The following USP39 variants were observed in gnomAD, a reference collection of about 807,000 sequenced individuals.
USP39 encodes the protein ubiquitin carboxyl-terminal hydrolase 39.
A neutral mutation model predicts 66.4 loss-of-function variants in USP39; 38 were observed. The observed-to-expected ratio is 0.57, with a 90% CI of 0.44 to 0.75. The LOEUF (loss-of-function observed/expected upper bound fraction) is 0.75. Among genes scored for constraint, USP39 ranks in the 30% least tolerant of loss-of-function variants. USP39 has a pLI of 0.00. For synonymous variants in USP39, 303 were observed against 274.6 expected, an observed-to-expected ratio of 1.10 and a Z score of -1.02; for missense variants, 608 against 714.4, an observed-to-expected ratio of 0.85 and a Z score of 1.70.
intron 10 of USP39, 69 bp downstream of exon 10, chr2:85,641,187 A>G: frequency 6.3e-7 from 1 of 1,591,746 alleles, no homozygotes; most frequent in South Asian, 1.1e-5. Context: ...TATTTTTACC[A>G]GTATTAATTT....
Position 85,648,814 on chromosome 2 carries a change from G to GCTAGA in USP39, c.*7_*8insTAGAC. On this transcript the variant is annotated 3_prime_UTR_variant, in exon 13 of 13. Coordinates refer to ENST00000323701, the MANE Select transcript of USP39 (RefSeq NM_006590.4). Reference sequence around the variant, plus strand: ...CCAACCAGCAGGGGGCTTGAAGGAGGCGTCTAGGGCTTTGCTCCCAAGGGC... The same window carrying GCTAGA: ...CCAACCAGCAGGGGGCTTGAAGGAGGCTAGACGTCTAGGGCTTTGCTCCCAAGGGC... The GCTAGA allele has an allele frequency of 6.2e-7, 1 of 1,614,110 alleles. No individual in the cohort carries two copies.
At chr2:85,626,742 G>A (rs1674894563) in intron 5 of USP39, among the ~76,000 whole-genome samples, 1 of 150,952 alleles carries the variant, frequency 6.6e-6, no homozygotes, top group South Asian at 2.1e-4. Context: ...TTTTGAGACG[G>A]AGTCTCAGTC....
At chr2:85,604,252 C>T (rs1296279895) in intron 1 of USP39, among the ~76,000 whole-genome samples, 1 of 152,212 alleles carries the variant, frequency 6.6e-6, no homozygotes, top group Non-Finnish European at 1.5e-5. Context: ...ACTTGTTGCC[C>T]AGGCTGGAAT....
intron 4 of USP39, among the ~76,000 whole-genome samples, chr2:85,624,195 T>C (rs558957208): frequency 3.3e-4 from 50 of 152,264 alleles, no homozygotes; most frequent in Middle Eastern, 3.4e-3. Context: ...AGATATCTTA[T>C]CTGTGGGCTC....
At chr2:85,617,429 C>T (rs1245999208) in intron 1 of USP39, among the ~76,000 whole-genome samples, 2 of 152,162 alleles carry the variant, frequency 1.3e-5, no homozygotes, top group African/African-American at 4.8e-5. Flanking sequence ...GCGACCATTG[C>T]CTGACTGCCT....
At chr2:85,644,907 C>T in intron 10 of USP39, 41 bp from the exon 11 acceptor site, 2 of 1,611,904 alleles carry the variant, frequency 1.2e-6, no homozygotes, top group Non-Finnish European at 8.5e-7. Context: ...AACCTCACAG[C>T]CTTTGTCTGA....
At chr2:85,622,094 A>G (rs921112481) in intron 3 of USP39, among the ~76,000 whole-genome samples, 7 of 151,564 alleles carry the variant, frequency 4.6e-5, no homozygotes, top group Non-Finnish European at 8.8e-5. Flanking sequence ...TGCTGGGATT[A>G]CAGGCGTGAG....
chr2:85,609,430 C>A (rs372399329), upstream of USP39: 3 of 1,613,656 alleles, frequency 1.9e-6, no homozygotes, highest in Admixed American at 1.7e-5. Flanking sequence ...TTCCACCAGG[C>A]GTACCTGATA....
At chr2:85,619,149 T>G in intron 1 of USP39, 71 bp from the exon 2 acceptor site, 1 of 1,533,232 alleles carries the variant, frequency 6.5e-7, no homozygotes, top group Non-Finnish European at 9.0e-7. Context: ...TTCTGTTTCT[T>G]TTTTTGTTCT....
intron 12 of USP39, among the ~76,000 whole-genome samples, 156 bp downstream of exon 12, chr2:85,648,172 T>C (rs1676791713): frequency 6.6e-6 from 1 of 152,172 alleles, no homozygotes; most frequent in South Asian, 2.1e-4. Flanking sequence ...GGGCAGAATG[T>C]ATGGCCCTGA....
At chr2:85,640,701 G>A (rs1273053445) in intron 9 of USP39, among the ~76,000 whole-genome samples, 1 of 147,454 alleles carries the variant, frequency 6.8e-6, no homozygotes, top group African/African-American at 2.5e-5. Flanking sequence ...TCGAACTCCT[G>A]TGCTGAAATG....
At chr2:85,641,925 AAAAAG>A (rs1400730736) in intron 10 of USP39, among the ~76,000 whole-genome samples, 13,018 of 134,742 alleles carry the variant, frequency 0.097, 659 homozygotes, top group Middle Eastern at 0.15. Flanking sequence ...AAAAAAAAAA[AAAAAG>A]AAAGAAAGAA....
At chr2:85,635,341 C>T (rs1172063278) in intron 6 of USP39, among the ~76,000 whole-genome samples, 2 of 152,176 alleles carry the variant, frequency 1.3e-5, no homozygotes, top group African/African-American at 4.8e-5. Flanking sequence ...GGGAGGATCA[C>T]TTGAGGTCAA....
chr2:85,611,638 G>A (rs1175781470), upstream of USP39: 2 of 1,565,770 alleles, frequency 1.3e-6, no homozygotes, highest in Non-Finnish European at 1.7e-6. Context: ...GAGCGCGCGG[G>A]CTGGAGGCAG....
chr2:85,618,139 A>T (rs1246363390), intron 1 of USP39, among the ~76,000 whole-genome samples: 1 of 152,008 alleles, frequency 6.6e-6, no homozygotes, highest in African/African-American at 2.4e-5. Context: ...ATTTTTTAGT[A>T]GAGATGGGGT....
At chr2:85,645,788 GTTTGATGTCTTTTCTA>G (rs1296949096) in intron 11 of USP39, 1 of 152,224 alleles carries the variant, frequency 6.6e-6, no homozygotes, top group Non-Finnish European at 1.5e-5. Context: ...TGTCTTTTCT[GTTTGATGTCTTTTCTA>G]TTTTTCAAGT....
At chr2:85,640,755 G>A (rs1257055872) in intron 9 of USP39, among the ~76,000 whole-genome samples, 3 of 147,354 alleles carry the variant, frequency 2.0e-5, no homozygotes, top group East Asian at 2.0e-4. Flanking sequence ...TTATAGGTGT[G>A]AGCCACCAGG....
upstream of USP39, among the ~76,000 whole-genome samples, chr2:85,613,546 C>T (rs1028841487): frequency 1.3e-5 from 2 of 152,122 alleles, no homozygotes; most frequent in African/African-American, 4.8e-5. Context: ...TCCAGCCACA[C>T]GATGGAATAT....
chr2:85,615,185 T>G (rs1379393451), upstream of USP39, among the ~76,000 whole-genome samples: 1 of 152,114 alleles, frequency 6.6e-6, no homozygotes, highest in Non-Finnish European at 1.5e-5. Context: ...CACGCCCGGC[T>G]AATTTTTGTA....
Sources: gnomAD v4.1 joint callset for allele counts (sites outside exome capture counted in the v4.1 genomes callset) on GRCh38, gnomAD v4.1.1 for gene constraint, MANE v1.5 for transcripts, NCBI Gene and HGNC (gene_info 2026-07-23, HGNC 2026-07-21) for gene names.